The following PDE3B variants were observed in gnomAD, a reference collection of about 807,000 sequenced individuals.
The protein encoded by PDE3B is phosphodiesterase 3B.
Under a neutral mutation model 116.8 loss-of-function variants are expected in PDE3B, and 66 were observed. The ratio of observed to expected loss-of-function variants is 0.56; its 90% CI spans 0.46 to 0.69. PDE3B has a LOEUF of 0.69. Among genes scored for constraint, PDE3B ranks in the 30% least tolerant of loss-of-function variants. The probability of loss-of-function intolerance (pLI) is 0.00; values close to 1 mark genes in which losing one functional copy is unlikely to be tolerated. For missense variants in PDE3B, 1,384 were observed against 1,368.1 expected, an observed-to-expected ratio of 1.01 and a Z score of -0.18; for synonymous variants, 595 against 533.6, an observed-to-expected ratio of 1.12 and a Z score of -1.59.
intron 12 of PDE3B, among the ~76,000 whole-genome samples, chr11:14,852,457 A>G (rs1555005376): frequency 6.6e-6 from 1 of 152,250 alleles, no homozygotes; most frequent in Non-Finnish European, 1.5e-5. Flanking sequence ...ACATGAAGAT[A>G]ATTTAAAACA....
At chr11:14,651,082 G>A (rs1853562805) in intron 1 of PDE3B, among the ~76,000 whole-genome samples, 1 of 152,112 alleles carries the variant, frequency 6.6e-6, no homozygotes, top group African/African-American at 2.4e-5. Context: ...AAGTTCTGGA[G>A]GCCAGAAGTC....
chr11:14,751,445 C>T (rs542503569), intron 1 of PDE3B, among the ~76,000 whole-genome samples: 1 of 152,296 alleles, frequency 6.6e-6, no homozygotes, highest in East Asian at 1.9e-4. Context: ...AATTGTCACT[C>T]ATTTTTCTAG....
In PDE3B at chr11:14,749,910, A is replaced by ATATATATATATATATATATATATG. The variant is rs763744588; in HGVS notation, c.979-22024_979-22023insATATATATATATATATATATGTAT. 2.4e-4 allele frequency among the ~76,000 whole-genome samples: 31 copies of ATATATATATATATATATATATATG among 131,460 alleles called. 1 individual carries two copies. The highest frequency in any genetic ancestry group is 8.2e-4 in the African/African-American group (26 of 31,792). 86.2% of individuals were successfully genotyped at this position (131,460 alleles called of 152,430 possible). On this transcript the variant is annotated intron_variant, in intron 1 of 15. Transcript: ENST00000282096. ...AAATAAATATATCCCATATATATAT[A>ATATATATATATATATATATATATG]TATGTATCTTTGTGGAAGCTGAGAA...
rs1324133108 is a variant in PDE3B at position 14,645,037 on chromosome 11, G to T, written c.962G>T (p.Cys321Phe). Residue 321 changes from cysteine to phenylalanine, a missense_variant, in exon 1 of 16, where the codon TGT (cysteine) becomes TTT (phenylalanine). By Grantham distance (205) the Cys-to-Phe change is radical. This residue lies in a region of PDE3B where 956 missense variants were observed against 806.8 expected (regional missense o/e 1.18). Coordinates refer to ENST00000282096, the MANE Select transcript of PDE3B (RefSeq NM_000922.4). ...CKIFRRPSLP[C>F]ISREQMILWD... ...ATATTCAGGAGACCGTCGTTGCCTT[G>T]TATTTCCAGAGAACAGGTATGTTAG... 7 of 1,609,412 alleles carry T rather than the reference G, an allele frequency of 4.3e-6. No homozygotes were observed. The highest frequency in any genetic ancestry group is 1.3e-5 in the African/African-American group (1 of 74,936).
chr11:14,801,285 G>A (rs932543514), intron 4 of PDE3B, among the ~76,000 whole-genome samples: 2 of 152,148 alleles, frequency 1.3e-5, no homozygotes, highest in Non-Finnish European at 2.9e-5. Flanking sequence ...CATCTTTGTG[G>A]ATTTATCTAC....
At chr11:14,816,908 AC>A (rs1414624538) in intron 5 of PDE3B, among the ~76,000 whole-genome samples, 2 of 152,190 alleles carry the variant, frequency 1.3e-5, no homozygotes, top group Non-Finnish European at 2.9e-5. Flanking sequence ...AACTAGAAAT[AC>A]CTTTTGACCC....
At chr11:14,879,997 G>T in the PDE3B span, 4 of 813,742 alleles carry the variant, frequency 4.9e-6, no homozygotes, top group South Asian at 2.3e-5. Flanking sequence ...ACTCTTTTTT[G>T]TAACTATTAA....
At chr11:14,696,139 T>C (rs1855199825) in intron 1 of PDE3B, among the ~76,000 whole-genome samples, 5 of 152,170 alleles carry the variant, frequency 3.3e-5, no homozygotes, top group Admixed American at 3.3e-4. Flanking sequence ...TGTAAAAGTG[T>C]TCCTGTTTCT....
chr11:14,822,075 T>C (rs546487314), intron 7 of PDE3B, among the ~76,000 whole-genome samples: 4 of 151,618 alleles, frequency 2.6e-5, no homozygotes, highest in Non-Finnish European at 5.9e-5. Flanking sequence ...ATTAAAAAAA[T>C]TTTTTTTTGT....
chr11:14,852,502 C>G (rs988689643), intron 12 of PDE3B, among the ~76,000 whole-genome samples: 3 of 152,188 alleles, frequency 2.0e-5, no homozygotes, highest in Non-Finnish European at 1.5e-5. Flanking sequence ...GTTGCATACT[C>G]AATTGTTGTC....
intron 3 of PDE3B, chr11:14,788,821 C>A (rs779339197): frequency 8.2e-5 from 17 of 208,386 alleles, no homozygotes; most frequent in African/African-American, 1.6e-4. Flanking sequence ...TTTAAATTGC[C>A]GATTGTTTCT....
At chr11:14,717,894 T>A (rs1326590451) in intron 1 of PDE3B, among the ~76,000 whole-genome samples, 2 of 134,310 alleles carry the variant, frequency 1.5e-5, no homozygotes, top group African/African-American at 2.8e-5. Flanking sequence ...AACATCATAA[T>A]GACAGGATCA....
At chr11:14,753,313 T>C (rs576357200) in intron 1 of PDE3B, among the ~76,000 whole-genome samples, 3 of 152,266 alleles carry the variant, frequency 2.0e-5, no homozygotes, top group African/African-American at 7.2e-5. Context: ...TCAAAGAATC[T>C]AATAAAAGAG....
chr11:14,882,502 G>A, the PDE3B span, among the ~76,000 whole-genome samples: 4 of 152,108 alleles, frequency 2.6e-5, no homozygotes, highest in East Asian at 7.7e-4. Flanking sequence ...GAGGAGCACT[G>A]TTTATAAAAA....
At chr11:14,664,641 C>G (rs1854065471) in intron 1 of PDE3B, among the ~76,000 whole-genome samples, 1 of 152,180 alleles carries the variant, frequency 6.6e-6, no homozygotes, top group African/African-American at 2.4e-5. Flanking sequence ...ACAAACAGCT[C>G]TAAGCAAATA....
intron 1 of PDE3B, among the ~76,000 whole-genome samples, chr11:14,672,873 G>A (rs1854414784): frequency 6.6e-6 from 1 of 151,608 alleles, no homozygotes; most frequent in African/African-American, 2.4e-5. Context: ...CTAGAGAGAT[G>A]GAGAAATGTA....
At chr11:14,732,892 T>A (rs768307420) in intron 1 of PDE3B, among the ~76,000 whole-genome samples, 2 of 152,220 alleles carry the variant, frequency 1.3e-5, no homozygotes, top group Admixed American at 6.5e-5. Flanking sequence ...TGTTTTGTTT[T>A]GCCTACCATA....
At chr11:14,749,002 C>T (rs890730036) in intron 1 of PDE3B, among the ~76,000 whole-genome samples, 2 of 151,556 alleles carry the variant, frequency 1.3e-5, no homozygotes, top group Non-Finnish European at 2.9e-5. Flanking sequence ...GATTCTCATG[C>T]TTCAGCCTCC....
chr11:14,710,693 G>T (rs949387716), intron 1 of PDE3B, among the ~76,000 whole-genome samples: 1 of 152,188 alleles, frequency 6.6e-6, no homozygotes, highest in Non-Finnish European at 1.5e-5. Flanking sequence ...GAGGTTGAGG[G>T]TTGGGGAGGG....
Sources: allele counts gnomAD v4.1 joint callset (sites outside exome capture counted in the v4.1 genomes callset), GRCh38; gene constraint gnomAD v4.1.1; regional missense constraint gnomAD v4.1.1; transcripts MANE v1.5; gene names NCBI Gene and HGNC (gene_info 2026-07-23, HGNC 2026-07-21).